SLC35F3: variants seen among roughly 807,000 people sequenced by gnomAD.
SLC35F3 encodes solute carrier family 35 member F3, also known as putative thiamine transporter SLC35F3.
In SLC35F3, 25 loss-of-function variants were observed where a neutral mutation model predicts 49.9. That is an observed-to-expected ratio of 0.50 (90% confidence interval 0.37 to 0.70). SLC35F3 has a LOEUF of 0.70. Ranked by LOEUF, SLC35F3 falls within the 30% of genes least tolerant of loss-of-function variation. SLC35F3 has a pLI of 0.00. For missense variants in SLC35F3, 525 were observed against 639.8 expected, an observed-to-expected ratio of 0.82 and a Z score of 1.94; for synonymous variants, 275 against 265.4, an observed-to-expected ratio of 1.04 and a Z score of -0.35.
chr1:234,308,450 T>A (rs919195342), intron 3 of SLC35F3, among the ~76,000 whole-genome samples: 1 of 148,996 alleles, frequency 6.7e-6, no homozygotes, highest in Non-Finnish European at 1.5e-5. Context: ...ATTATGAGAT[T>A]TTTTTTTTTG....
chr1:233,971,170 C>A lies in SLC35F3; in HGVS notation c.283+65412C>A, dbSNP rs575199366. ...TACATCTGACTGGGGTGCACACATA[C>A]CCTCTCCTCCAATTTCAGAGTCGTC... On this transcript the variant is annotated intron_variant, in intron 2 of 7. Coordinates refer to ENST00000366618, the MANE Select transcript of SLC35F3 (RefSeq NM_173508.4). Among the ~76,000 whole-genome samples, 23 of 152,308 alleles carry A rather than the reference C, an allele frequency of 1.5e-4. No homozygotes were observed. In the South Asian group the frequency reaches 4.8e-3, roughly 32 times the overall value.
intron 2 of SLC35F3, among the ~76,000 whole-genome samples, chr1:234,013,462 A>G (rs1663755061): frequency 6.6e-6 from 1 of 152,020 alleles, no homozygotes; most frequent in African/African-American, 2.4e-5. Flanking sequence ...GTACAAAGTT[A>G]GGAGAAGGAA....
rs1046468372 is a variant in SLC35F3 at position 234,077,226 on chromosome 1, G to A, written c.284-154191G>A. ...TCACCTTGTTAGCCAGGATGGTCTC[G>A]ATCTCCTGACCTCATGATCCACCCG... On this transcript the variant is annotated intron_variant, in intron 2 of 7. Transcript: ENST00000366618. Among the ~76,000 whole-genome samples the A allele has an allele frequency of 7.9e-5, 12 of 151,082 alleles. No homozygotes were observed. The South Asian group carries it at 8.5e-4, about 11-fold the overall frequency.
At chr1:233,977,595 A>G (rs1275004252) in intron 2 of SLC35F3, among the ~76,000 whole-genome samples, 4 of 152,114 alleles carry the variant, frequency 2.6e-5, no homozygotes, top group Non-Finnish European at 5.9e-5. Flanking sequence ...GGGCTACTCT[A>G]TGCTATATAT....
chr1:233,963,544 G>T (rs1662842249), intron 2 of SLC35F3, among the ~76,000 whole-genome samples: 1 of 151,942 alleles, frequency 6.6e-6, no homozygotes, highest in African/African-American at 2.4e-5. Context: ...CTCGTGATCT[G>T]CCCACCTCGG....
chr1:233,948,550 T>C (rs970162752), intron 2 of SLC35F3, among the ~76,000 whole-genome samples: 2 of 151,746 alleles, frequency 1.3e-5, no homozygotes, highest in African/African-American at 4.8e-5. Flanking sequence ...GCGTTTCTTT[T>C]TTTTTTTTCT....
chr1:234,217,052 G>A (rs939183952), intron 2 of SLC35F3, among the ~76,000 whole-genome samples: 14 of 152,088 alleles, frequency 9.2e-5, no homozygotes, highest in Non-Finnish European at 1.0e-4. Flanking sequence ...TGGAAGTGTT[G>A]AATCATTTCA....
chr1:234,178,096 G>A (rs1666502619), intron 2 of SLC35F3, among the ~76,000 whole-genome samples: 2 of 152,162 alleles, frequency 1.3e-5, no homozygotes, highest in South Asian at 4.1e-4. Flanking sequence ...AGGAATAAAA[G>A]TGTTAGAACA....
intron 3 of SLC35F3, chr1:234,268,693 A>T (rs554105882): frequency 6.6e-6 from 1 of 152,364 alleles, no homozygotes; most frequent in African/African-American, 2.4e-5. Context: ...TGTCTACCCA[A>T]GACTGAGACA....
intron 2 of SLC35F3, among the ~76,000 whole-genome samples, chr1:233,984,301 C>T (rs1046630024): frequency 6.6e-6 from 1 of 152,174 alleles, no homozygotes; most frequent in African/African-American, 2.4e-5. Flanking sequence ...AACTGGGGTC[C>T]ACTACTCCAC....
chr1:234,128,814 T>C (rs554183131), intron 2 of SLC35F3, among the ~76,000 whole-genome samples: 16 of 152,324 alleles, frequency 1.1e-4, no homozygotes, highest in Non-Finnish European at 1.5e-4. Context: ...GCAAGCACTT[T>C]CCATCACATT....
At position 234,323,319 on chromosome 1, in the gene SLC35F3, G is replaced by A; in HGVS notation, c.*76G>A. 1 of 1,231,960 alleles carries A rather than the reference G, an allele frequency of 8.1e-7. No homozygotes were observed. Among genetic ancestry groups the A allele is most frequent in the South Asian group, 1.4e-5 (1 of 72,394 alleles). 76.3% of individuals were successfully genotyped at this position (1,231,960 alleles called of 1,614,324 possible). A position where few individuals can be genotyped will look rare whatever the true frequency, so the allele number is the denominator to read the frequency against. On this transcript the variant is annotated 3_prime_UTR_variant, in exon 8 of 8. Transcript: ENST00000366618. The surrounding 1 kb of genome is among the most constrained non-coding windows in gnomAD (Gnocchi z 4.5). ...GGGAGGAACCTCAGTTGGGTAAGGT[G>A]TACATACCTGTACAGTTTTGGTCAT...
intron 2 of SLC35F3, among the ~76,000 whole-genome samples, chr1:234,145,351 AAC>A (rs1665981102): frequency 6.6e-6 from 1 of 152,210 alleles, no homozygotes; most frequent in Non-Finnish European, 1.5e-5. Context: ...CTAGTCATCC[AAC>A]ACAGTCTTCA....
At chr1:234,136,885 A>G (rs560138762) in intron 2 of SLC35F3, among the ~76,000 whole-genome samples, 1 of 152,312 alleles carries the variant, frequency 6.6e-6, no homozygotes, top group South Asian at 2.1e-4. Flanking sequence ...GACCCTCACC[A>G]CAGGGGCCAC....
chr1:233,988,135 G>A (rs79592031), intron 2 of SLC35F3, among the ~76,000 whole-genome samples: 3,355 of 152,222 alleles, frequency 0.022, 112 homozygotes, highest in African/African-American at 0.076. Flanking sequence ...CTGAGAACAC[G>A]AGTGGTATTT....
intron 2 of SLC35F3, among the ~76,000 whole-genome samples, chr1:234,011,677 G>A (rs1482341045): frequency 6.6e-6 from 1 of 152,180 alleles, no homozygotes; most frequent in African/African-American, 2.4e-5. Context: ...TAGACATGGA[G>A]ACAACATGCA....
rs564172082 is a variant in SLC35F3 at position 234,024,221 on chromosome 1, A to T, written c.283+118463A>T. On this transcript the variant is annotated intron_variant, in intron 2 of 7. Coordinates refer to ENST00000366618, the MANE Select transcript of SLC35F3 (RefSeq NM_173508.4). Reference sequence around the variant, plus strand: ...TATTCTAAAAATAAACGCTTCTGATAAAAAAAAAAAGCACTAGGCATTAGA... The same window carrying T: ...TATTCTAAAAATAAACGCTTCTGATTAAAAAAAAAAGCACTAGGCATTAGA... Among the ~76,000 whole-genome samples, 174 of 93,968 alleles carry T rather than the reference A, an allele frequency of 1.9e-3. 1 individual carries two copies. The highest frequency in any genetic ancestry group is 8.5e-3 in the African/African-American group (162 of 19,022). The allele number at this position is 93,968 out of a possible 152,430, so 61.6% of individuals were successfully genotyped here. A position where few individuals can be genotyped will look rare whatever the true frequency, so the allele number is the denominator to read the frequency against.
At chr1:234,253,794 C>T (rs186116080) in intron 3 of SLC35F3, among the ~76,000 whole-genome samples, 1 of 152,294 alleles carries the variant, frequency 6.6e-6, no homozygotes. Context: ...CAAGAGCAGC[C>T]TCCAGATGAA....
At chr1:234,077,704 C>T (rs532944803) in intron 2 of SLC35F3, among the ~76,000 whole-genome samples, 26 of 152,230 alleles carry the variant, frequency 1.7e-4, no homozygotes, top group Admixed American at 1.5e-3. Flanking sequence ...TTTGGGCAGG[C>T]GGTGGGTTCT....
Sources: allele counts gnomAD v4.1 joint callset (sites outside exome capture counted in the v4.1 genomes callset), GRCh38; gene constraint gnomAD v4.1.1; non-coding constraint Gnocchi (gnomAD v3.1); transcripts MANE v1.5; gene names NCBI Gene and HGNC (gene_info 2026-07-23, HGNC 2026-07-21).